Variants in CRYBG1 observed in about 807,000 individuals in gnomAD.
The protein encoded by CRYBG1 is beta/gamma crystallin domain-containing protein 1.
A neutral mutation model predicts 189.2 loss-of-function variants in CRYBG1; 139 were observed. The observed-to-expected ratio is 0.73, with a 90% CI of 0.64 to 0.85. The LOEUF (loss-of-function observed/expected upper bound fraction) is 0.85. Ranked by LOEUF, CRYBG1 falls within the 40% of genes least tolerant of loss-of-function variation. The pLI is 0.00. For synonymous variants in CRYBG1, 1,023 were observed against 1,017.1 expected (o/e 1.01, Z -0.11); for missense variants, 2,611 against 2,675.8 (o/e 0.98, Z 0.53).
chr6:106,499,444 G>A (rs578241862), intron 2 of CRYBG1, among the ~76,000 whole-genome samples: 4 of 151,372 alleles, frequency 2.6e-5, no homozygotes, highest in African/African-American at 9.7e-5. Context: ...ACAGGAGTGA[G>A]CCACCGCACC....
At position 106,512,432 on chromosome 6, in the gene CRYBG1, G is replaced by C; in HGVS notation, c.1315G>C (p.Glu439Gln). The C allele has an allele frequency of 6.2e-7, 1 of 1,610,000 alleles. No individual in the cohort carries two copies. The highest frequency in any genetic ancestry group is 8.5e-7 in the Non-Finnish European group (1 of 1,178,768). The change falls in exon 3 of 22, where the codon GAG becomes CAG. Residue 439 changes from glutamate (E) to glutamine (Q), a missense_variant. Transcript: ENST00000633556. ...CCCCGGCGCGGACGCCGAGCTCCCT[G>C]AGAGCGCTGCCAGGGACGACGCGGT... ...DSPGADAELP[E>Q]SAARDDAVFD...
At chr6:106,453,682 G>A (rs934501488) in intron 2 of CRYBG1, among the ~76,000 whole-genome samples, 2 of 152,164 alleles carry the variant, frequency 1.3e-5, no homozygotes, top group African/African-American at 4.8e-5. Flanking sequence ...GAAAAAATTC[G>A]TGGCAGTGTT....
intron 8 of CRYBG1, among the ~76,000 whole-genome samples, chr6:106,537,589 T>C (rs748276172): frequency 1.3e-5 from 2 of 152,242 alleles, no homozygotes; most frequent in Non-Finnish European, 2.9e-5. Context: ...GTAACTTTTT[T>C]TGAAGCATAA....
Position 106,506,446 on chromosome 6 carries a change from CTTTTTTTTT to C in CRYBG1, c.313-4967_313-4959del, listed in dbSNP as rs67154803. ...CAAAATGTTATTAGATTTCTTGTCA[CTTTTTTTTT>C]TTTTTTTTTTTTTTTTGAGATGGAG... is the stretch of plus-strand genomic sequence containing the variant. On this transcript the variant is annotated intron_variant, in intron 2 of 21. Transcript: ENST00000633556. Among the ~76,000 whole-genome samples the C allele has an allele frequency of 1.3e-4, 9 of 69,948 alleles. No individual in the cohort carries two copies. The East Asian group carries it at 3.4e-3, about 26-fold the overall frequency. The allele number at this position is 69,948 out of a possible 152,430, so 45.9% of individuals were successfully genotyped here. A position where few individuals can be genotyped will look rare whatever the true frequency, so the allele number is the denominator to read the frequency against.
At chr6:106,407,267 C>T (rs1770844467) in intron 1 of CRYBG1, among the ~76,000 whole-genome samples, 1 of 151,908 alleles carries the variant, frequency 6.6e-6, no homozygotes, top group African/African-American at 2.4e-5. Flanking sequence ...TTTAAGCCAA[C>T]AAAGATCAAA....
Position 106,568,607 on chromosome 6 carries a change from AC to A in CRYBG1, c.*43del. 1.4e-6 allele frequency: 2 copies of A among 1,461,410 alleles called. No homozygotes were observed. The highest frequency in any genetic ancestry group is 1.9e-6 in the Non-Finnish European group (2 of 1,044,772). 90.5% of individuals were successfully genotyped at this position (1,461,410 alleles called of 1,614,324 possible). On this transcript the variant is annotated 3_prime_UTR_variant, in exon 22 of 22. Coordinates refer to ENST00000633556, the MANE Select transcript of CRYBG1 (RefSeq NM_001371242.2). ...GAATCTTCTGGAGGTCCTTCCAGCC[AC>A]CTTATTTCTTAAAAAGGACAATGCT...
intron 17 of CRYBG1, among the ~76,000 whole-genome samples, chr6:106,557,852 T>A (rs987680365): frequency 6.6e-6 from 1 of 152,272 alleles, no homozygotes; most frequent in African/African-American, 2.4e-5. Flanking sequence ...CTTTTCATTT[T>A]CCTGAACAGT....
rs1491124084 is a variant in CRYBG1 at position 106,433,756 on chromosome 6, T to TAC, written c.174-17938_174-17937insAC. Among the ~76,000 whole-genome samples, 112 of 23,992 alleles carry TAC rather than the reference T, an allele frequency of 4.7e-3. 4 individuals carry two copies. Among genetic ancestry groups the TAC allele is most frequent in the African/African-American group, 0.012 (105 of 8,686 alleles). 15.7% of individuals were successfully genotyped at this position (23,992 alleles called of 152,430 possible). On this transcript the variant is annotated intron_variant, in intron 1 of 21. Transcript: ENST00000633556. ...ATATACATATATATGTATATATATA[T>TAC]GTGTATATATATATATGTATATATA...
chr6:106,439,050 G>GA (rs11313505), intron 1 of CRYBG1, among the ~76,000 whole-genome samples: 28 of 131,814 alleles, frequency 2.1e-4, no homozygotes, highest in African/African-American at 3.7e-4. Flanking sequence ...CTTAAAAAAT[G>GA]AAAAAAAAAA....
At chr6:106,537,946 G>T (rs1351542245) in intron 8 of CRYBG1, among the ~76,000 whole-genome samples, 1 of 152,130 alleles carries the variant, frequency 6.6e-6, no homozygotes. Flanking sequence ...AAAAACCACC[G>T]CCAAAAATGT....
chr6:106,381,910 T>C (rs1481949668), intron 1 of CRYBG1, among the ~76,000 whole-genome samples: 2 of 152,126 alleles, frequency 1.3e-5, no homozygotes, highest in Non-Finnish European at 2.9e-5. Flanking sequence ...ATAATCTAGT[T>C]ACAGGGGTAC....
intron 1 of CRYBG1, among the ~76,000 whole-genome samples, chr6:106,403,480 T>C (rs1017549062): frequency 4.6e-5 from 7 of 152,234 alleles, no homozygotes; most frequent in South Asian, 2.1e-4. Flanking sequence ...TGTCCTCTCA[T>C]TGGGTCACCA....
chr6:106,375,512 GT>G (rs1770138650), intron 1 of CRYBG1, among the ~76,000 whole-genome samples: 2 of 152,254 alleles, frequency 1.3e-5, no homozygotes, highest in East Asian at 3.9e-4. Flanking sequence ...ACTGTGGAAG[GT>G]AATAGAGAAA....
chr6:106,552,264 T>C (rs890177569), intron 15 of CRYBG1, 48 bp downstream of exon 15: 73 of 1,283,506 alleles, frequency 5.7e-5, no homozygotes, highest in Non-Finnish European at 7.7e-5. Flanking sequence ...GGGCCTTCCA[T>C]TGAAAAGCTG....
In CRYBG1 at chr6:106,398,121, A is replaced by G. The variant is rs116543249; in HGVS notation, c.173+37040A>G. On this transcript the variant is annotated intron_variant, in intron 1 of 21. Coordinates refer to ENST00000633556, the MANE Select transcript of CRYBG1 (RefSeq NM_001371242.2). Reference sequence around the variant, plus strand: ...TCTCCAGGAAGTTTTGAAGTGCAATATATAGATTGAATCCTTGCCCGTCTT... The same window carrying G: ...TCTCCAGGAAGTTTTGAAGTGCAATGTATAGATTGAATCCTTGCCCGTCTT... Among the ~76,000 whole-genome samples, 1,240 of 152,318 alleles carry G rather than the reference A, an allele frequency of 8.1e-3. 13 individuals carry two copies. Among genetic ancestry groups the G allele is most frequent in the African/African-American group, 0.028 (1,177 of 41,560 alleles).
rs1213219356 is a variant in CRYBG1 at position 106,361,063 on chromosome 6, C to A, written c.155C>A (p.Ala52Glu). Residue 52 changes from alanine to glutamate, a missense_variant, in exon 1 of 22, where the codon GCG becomes GAG. Transcript: ENST00000633556. The part of the protein sequence containing the change: ...CGVFVPHPLP[A>E]PAGEARALDV... ...GTGTTCGTTCCGCACCCGCTCCCGG[C>A]GCCTGCCGGAGAGGCCAGGTGAGCT... 1.3e-6 allele frequency: 2 copies of A among 1,535,040 alleles called. No homozygotes were observed. Among genetic ancestry groups the A allele is most frequent in the Non-Finnish European group, 1.7e-6 (2 of 1,146,546 alleles).
intron 1 of CRYBG1, among the ~76,000 whole-genome samples, chr6:106,422,557 T>A (rs1429413502): frequency 8.8e-6 from 1 of 114,256 alleles, no homozygotes; most frequent in African/African-American, 4.1e-5. Context: ...GATATTGAAC[T>A]TCTGGCCTCA....
At chr6:106,500,001 C>T (rs901149160) in intron 2 of CRYBG1, among the ~76,000 whole-genome samples, 4 of 152,182 alleles carry the variant, frequency 2.6e-5, no homozygotes, top group Non-Finnish European at 5.9e-5. Context: ...ACAGAATTTC[C>T]TTCTTTTTTA....
chr6:106,514,349 G>C (rs1352689083), intron 3 of CRYBG1, among the ~76,000 whole-genome samples: 1 of 152,094 alleles, frequency 6.6e-6, no homozygotes, highest in Non-Finnish European at 1.5e-5. Context: ...TATAATTCTT[G>C]AACCTAATGG....
Sources: allele counts gnomAD v4.1 joint callset (sites outside exome capture counted in the v4.1 genomes callset), GRCh38; gene constraint gnomAD v4.1.1; transcripts MANE v1.5; gene names NCBI Gene and HGNC (gene_info 2026-07-23, HGNC 2026-07-21).